The following RABEP1 variants were observed in gnomAD, a reference collection of about 807,000 sequenced individuals.
RABEP1 encodes rabaptin, RAB GTPase binding effector protein 1.
Under a neutral mutation model 123.4 loss-of-function variants are expected in RABEP1, and 51 were observed. That is an observed-to-expected ratio of 0.41 (90% CI 0.33 to 0.52). The LOEUF is 0.52. Ranked by LOEUF, RABEP1 falls within the 20% of genes least tolerant of loss-of-function variation. RABEP1 has a pLI of 0.16. For missense variants in RABEP1, 888 were observed against 996.3 expected (o/e 0.89, Z 1.46); for synonymous variants, 347 against 355.2 (o/e 0.98, Z 0.26).
In RABEP1 at chr17:5,350,437, G is replaced by A. The variant is rs1213880401; in HGVS notation, c.785-14G>A. On this transcript the variant is annotated splice_polypyrimidine_tract_variant and intron_variant, in intron 6 of 17. Transcript: ENST00000537505. Reference sequence around the variant, plus strand: ...TCAGTGTTTTTGATTTGTGGTGGGGGGGTTCCTAAACAGTTTGCCATCTCT... The same window carrying A: ...TCAGTGTTTTTGATTTGTGGTGGGGAGGTTCCTAAACAGTTTGCCATCTCT... The A allele has an allele frequency of 6.3e-7, 1 of 1,593,286 alleles. No homozygotes were observed. Among genetic ancestry groups the A allele is most frequent in the Non-Finnish European group, 8.5e-7 (1 of 1,172,362 alleles).
intron 5 of RABEP1, among the ~76,000 whole-genome samples, chr17:5,341,628 C>G (rs1907618852): frequency 6.6e-6 from 1 of 152,126 alleles, no homozygotes; most frequent in South Asian, 2.1e-4. Context: ...ATCTTCACTA[C>G]AAGTGAGCAA....
intron 2 of RABEP1, among the ~76,000 whole-genome samples, chr17:5,321,642 C>T (rs933406532): frequency 7.2e-5 from 11 of 152,076 alleles, no homozygotes; most frequent in Admixed American, 7.2e-4. Context: ...ACCCACTTTA[C>T]CTGTAAAGAT....
chr17:5,361,474 T>A lies in RABEP1; in HGVS notation c.1362T>A (p.Thr454=), dbSNP rs758720334. The change falls in exon 9 of 18, where the codon ACT becomes ACA. Residue 454 remains threonine (T), a synonymous_variant. Transcript: ENST00000537505. ...ATTCAGTGTCTGAGAACTTTGATAC[T>A]GCATCCCTTGGGTCACTCCAGATGC... ...GADSVSENFD[T]ASLGSLQMPS... is the part of the protein sequence containing the mutation. 7 of 1,614,080 alleles carry A rather than the reference T, an allele frequency of 4.3e-6. No individual in the cohort carries two copies. The highest frequency in any genetic ancestry group is 3.3e-5 in the South Asian group (3 of 91,092).
intron 16 of RABEP1, 144 bp downstream of exon 16, chr17:5,380,606 A>AACTT (rs1911374365): frequency 1.4e-6 from 1 of 732,270 alleles, no homozygotes; most frequent in South Asian, 1.5e-5. Context: ...GAAAAGAAAA[A>AACTT]ACTTAAACGA....
intron 3 of RABEP1, among the ~76,000 whole-genome samples, chr17:5,333,747 A>C (rs1906784223): frequency 6.6e-6 from 1 of 152,144 alleles, no homozygotes; most frequent in Non-Finnish European, 1.5e-5. Context: ...CAATGCCTCA[A>C]ACTCCTTCAG....
At chr17:5,324,037 A>G (rs1905720728) in intron 2 of RABEP1, among the ~76,000 whole-genome samples, 1 of 151,936 alleles carries the variant, frequency 6.6e-6, no homozygotes, top group African/African-American at 2.4e-5. Flanking sequence ...CAGATTCAAT[A>G]CAAATCCTAT....
At chr17:5,294,853 A>G (rs57956786) in intron 1 of RABEP1, among the ~76,000 whole-genome samples, 1 of 151,044 alleles carries the variant, frequency 6.6e-6, no homozygotes, top group Admixed American at 6.6e-5. Context: ...TCATCACGTT[A>G]GCCAGGGTGG....
intron 2 of RABEP1, among the ~76,000 whole-genome samples, chr17:5,324,215 A>C (rs1905737549): frequency 6.6e-6 from 1 of 152,204 alleles, no homozygotes; most frequent in South Asian, 2.1e-4. Flanking sequence ...CCCAATCAGC[A>C]TGGCACTGGC....
chr17:5,340,382 A>G (rs867838323), intron 5 of RABEP1, among the ~76,000 whole-genome samples: 5 of 152,306 alleles, frequency 3.3e-5, no homozygotes, highest in African/African-American at 9.6e-5. Flanking sequence ...ATTAATCCCT[A>G]TAGTAGCCAC....
chr17:5,365,160 C>T lies in RABEP1; in HGVS notation c.1707C>T (p.Asp569=). The part of the protein sequence containing the change: ...KLQLMLRQAN[D]QLEKTMKDKQ... The stretch of plus-strand genomic sequence containing the variant: ...AGCTGATGCTAAGGCAAGCTAATGA[C>T]CAGTTAGAGAAGACAATGAAAGATA... The change falls in exon 11 of 18, where the codon GAC becomes GAT. Residue 569 remains aspartate, a synonymous_variant. Coordinates refer to ENST00000537505, the MANE Select transcript of RABEP1 (RefSeq NM_004703.6). 1 of 1,609,950 alleles carries T rather than the reference C, an allele frequency of 6.2e-7. No homozygotes were observed. Among genetic ancestry groups the T allele is most frequent in the Non-Finnish European group, 8.5e-7 (1 of 1,178,554 alleles).
intron 2 of RABEP1, among the ~76,000 whole-genome samples, chr17:5,323,646 A>G (rs1160503935): frequency 1.4e-5 from 2 of 147,454 alleles, no homozygotes; most frequent in Non-Finnish European, 1.5e-5. Flanking sequence ...TTCCATTTGT[A>G]TGTGTGTCCT....
intron 1 of RABEP1, among the ~76,000 whole-genome samples, chr17:5,290,043 G>A (rs2075017890): frequency 6.6e-6 from 1 of 152,172 alleles, no homozygotes; most frequent in Admixed American, 6.5e-5. Flanking sequence ...GAAGTTTGAT[G>A]TTCTCTTCTT....
At chr17:5,339,382 G>A (rs1168028005) in intron 5 of RABEP1, among the ~76,000 whole-genome samples, 2 of 152,150 alleles carry the variant, frequency 1.3e-5, no homozygotes, top group African/African-American at 4.8e-5. Context: ...AGTGGTGTGT[G>A]CCTGTGGTCC....
At chr17:5,367,735 A>G (rs1910179769) in intron 11 of RABEP1, among the ~76,000 whole-genome samples, 1 of 150,302 alleles carries the variant, frequency 6.7e-6, no homozygotes, top group Non-Finnish European at 1.5e-5. Context: ...ACTGTGATTT[A>G]TGTGAAATAA....
chr17:5,378,465 C>T, intron 15 of RABEP1: 1 of 601,826 alleles, frequency 1.7e-6, no homozygotes, highest in African/African-American at 1.9e-5. Context: ...TGACTGTGGC[C>T]TGGAGTTTCC....
In RABEP1 at chr17:5,383,150, A is replaced by G. The variant is rs1026974101; in HGVS notation, c.2516A>G (p.Asp839Gly). The part of the protein sequence containing the change: ...QVQLERIRQA[D>G]SLERIRAILN... ...CAGTTAGAGCGGATCCGGCAAGCTGACTCCTTGGAGAGAATCCGGGCAATT... is the reference window on the plus strand; with the variant it reads ...CAGTTAGAGCGGATCCGGCAAGCTGGCTCCTTGGAGAGAATCCGGGCAATT... The change falls in exon 18 of 18, where the codon GAC (aspartate) becomes GGC (glycine). Residue 839 changes from aspartate to glycine, a missense_variant. Coordinates refer to ENST00000537505, the MANE Select transcript of RABEP1 (RefSeq NM_004703.6). 1.9e-6 allele frequency: 3 copies of G among 1,613,814 alleles called. No homozygotes were observed. The highest frequency in any genetic ancestry group is 2.5e-6 in the Non-Finnish European group (3 of 1,179,990).
chr17:5,313,795 C>T (rs1325706946), intron 2 of RABEP1, among the ~76,000 whole-genome samples: 2 of 152,118 alleles, frequency 1.3e-5, no homozygotes, highest in Admixed American at 1.3e-4. Flanking sequence ...ATACTGTGAT[C>T]CTTTTTGAGT....
chr17:5,339,814 G>GA (rs1447235185), intron 5 of RABEP1, among the ~76,000 whole-genome samples: 1 of 151,352 alleles, frequency 6.6e-6, no homozygotes, highest in East Asian at 1.9e-4. Flanking sequence ...AAAAAAGAAA[G>GA]AAAAAAATAC....
Position 5,332,196 on chromosome 17 carries a change from C to T in RABEP1, c.367+44C>T, listed in dbSNP as rs150274205. 2.2e-4 allele frequency: 336 copies of T among 1,531,070 alleles called. 2 individuals are homozygous for T. The African/African-American group carries it at 3.9e-3, about 18-fold the overall frequency. 94.8% of individuals were successfully genotyped at this position (1,531,070 alleles called of 1,614,324 possible). ...CAATTTTGTGATTTTCTAAGATATC[C>T]GATTCTGATGATTGAGAATATTTTC... On this transcript the variant is annotated intron_variant, in intron 3 of 17. Transcript: ENST00000537505.
Sources: allele counts gnomAD v4.1 joint callset (sites outside exome capture counted in the v4.1 genomes callset), GRCh38; gene constraint gnomAD v4.1.1; transcripts MANE v1.5; gene names NCBI Gene and HGNC (gene_info 2026-07-23, HGNC 2026-07-21).